Variants in STK32B observed in about 807,000 individuals in gnomAD.
STK32B encodes serine/threonine-protein kinase 32B.
Under a neutral mutation model 52.6 loss-of-function variants are expected in STK32B, and 43 were observed. The ratio of observed to expected loss-of-function variants is 0.82; its 90% CI spans 0.64 to 1.05. The LOEUF (loss-of-function observed/expected upper bound fraction) is 1.05. Ranked by LOEUF, STK32B falls within the 50% of genes least tolerant of loss-of-function variation. The probability of loss-of-function intolerance (pLI) is 0.00; values close to 1 mark genes in which losing one functional copy is unlikely to be tolerated. For synonymous variants in STK32B, 238 were observed against 204.3 expected, an observed-to-expected ratio of 1.17 and a Z score of -1.41; for missense variants, 621 against 534.6, an observed-to-expected ratio of 1.16 and a Z score of -1.59.
At chr4:5,319,211 C>T (rs915301040) in intron 3 of STK32B, among the ~76,000 whole-genome samples, 23 of 152,176 alleles carry the variant, frequency 1.5e-4, no homozygotes, top group Non-Finnish European at 2.4e-4. Flanking sequence ...GTAAACACCA[C>T]AATAATTCCT....
chr4:5,386,638 G>C lies in STK32B; in HGVS notation c.435-11569G>C, dbSNP rs1223256481. Reference sequence around the variant, plus strand: ...CAATGACCCAGATAAAATCCACACTGTCAAGTTTACAAGAGTCAGGAAAGC... The same window carrying C: ...CAATGACCCAGATAAAATCCACACTCTCAAGTTTACAAGAGTCAGGAAAGC... On this transcript the variant is annotated intron_variant, in intron 4 of 11. Coordinates refer to ENST00000282908, the MANE Select transcript of STK32B (RefSeq NM_018401.3). This position sits in a 1 kb window ranked among gnomAD's most constrained non-coding sequence, Gnocchi z 4.5. Among the ~76,000 whole-genome samples the C allele has an allele frequency of 6.6e-6, 1 of 152,178 alleles. No individual in the cohort carries two copies. Among genetic ancestry groups the C allele is most frequent in the Non-Finnish European group, 1.5e-5 (1 of 68,036 alleles).
intron 6 of STK32B, among the ~76,000 whole-genome samples, chr4:5,419,337 G>C (rs1712431748): frequency 6.6e-6 from 1 of 152,088 alleles, no homozygotes; most frequent in South Asian, 2.1e-4. Flanking sequence ...TCCTTTGTCT[G>C]TAGGGTCTCT....
intron 6 of STK32B, among the ~76,000 whole-genome samples, 191 bp downstream of exon 6, chr4:5,417,125 AC>A (rs1712232957): frequency 6.6e-6 from 1 of 152,192 alleles, no homozygotes; most frequent in South Asian, 2.1e-4. Context: ...CCTCTGCTAG[AC>A]AACCCCTCTC....
chr4:5,341,815 G>GCAGGAGC (rs1342964528), intron 4 of STK32B, among the ~76,000 whole-genome samples: 1 of 152,126 alleles, frequency 6.6e-6, no homozygotes, highest in Admixed American at 6.5e-5. Flanking sequence ...CATGGCCAGA[G>GCAGGAGC]CAGGAGCAAA....
At chr4:5,103,137 G>A (rs1713917630) in intron 1 of STK32B, among the ~76,000 whole-genome samples, 1 of 151,296 alleles carries the variant, frequency 6.6e-6, no homozygotes, top group Non-Finnish European at 1.5e-5. Context: ...CATGGATTTG[G>A]GGATCCATGA....
Position 5,110,281 on chromosome 4 carries a change from A to ACCCCC in STK32B, c.53-29624_53-29623insCCCCC, listed in dbSNP as rs1560156133. On this transcript the variant is annotated intron_variant, in intron 1 of 11. Coordinates refer to ENST00000282908, the MANE Select transcript of STK32B (RefSeq NM_018401.3). ...AAAATTCATATGGAACCAAAAAAAAAAAAAAAAAAGCGCAAATGACCAAAG... is the reference window on the plus strand; with the variant it reads ...AAAATTCATATGGAACCAAAAAAAAACCCCCAAAAAAAAAGCGCAAATGACCAAAG... Among the ~76,000 whole-genome samples the ACCCCC allele has an allele frequency of 6.4e-3, 966 of 151,178 alleles. 7 individuals carry two copies. The highest frequency in any genetic ancestry group is 0.021 in the African/African-American group (880 of 41,280).
chr4:5,282,856 A>G (rs1389497600), intron 3 of STK32B, among the ~76,000 whole-genome samples: 1 of 152,158 alleles, frequency 6.6e-6, no homozygotes, highest in East Asian at 1.9e-4. Context: ...TTTAGAACTT[A>G]TGAGTTGTTT....
intron 4 of STK32B, among the ~76,000 whole-genome samples, chr4:5,336,801 A>C (rs546130219): frequency 2.3e-4 from 35 of 152,190 alleles, no homozygotes; most frequent in Non-Finnish European, 4.7e-4. Flanking sequence ...ATGAAAGAAC[A>C]ATCTCCCAGA....
In STK32B at chr4:5,433,250, G is replaced by A. The variant is rs139127866; in HGVS notation, c.563-13423G>A. Among the ~76,000 whole-genome samples the A allele has an allele frequency of 1.4e-4, 21 of 152,264 alleles. No individual in the cohort carries two copies. In the East Asian group the frequency reaches 3.5e-3, roughly 25 times the overall value. ...CAATCAAATGGTCAAATACAAAGGC[G>A]GAAAGAGTCCTAGAGTCGAAGTTGA... On this transcript the variant is annotated intron_variant, in intron 6 of 11. Coordinates refer to ENST00000282908, the MANE Select transcript of STK32B (RefSeq NM_018401.3).
At chr4:5,240,715 C>G (rs1204826675) in intron 3 of STK32B, among the ~76,000 whole-genome samples, 1 of 152,184 alleles carries the variant, frequency 6.6e-6, no homozygotes, top group Non-Finnish European at 1.5e-5. Context: ...CCACCTCAGC[C>G]TCCCAAAATG....
intron 2 of STK32B, chr4:5,140,301 GT>G (rs1157225916): frequency 3.0e-6 from 4 of 1,317,364 alleles, no homozygotes; most frequent in Non-Finnish European, 4.0e-6. Context: ...GACGTTTGTT[GT>G]TTTGGTAAGT....
At chr4:5,101,167 C>G (rs1023844195) in intron 1 of STK32B, among the ~76,000 whole-genome samples, 1 of 152,206 alleles carries the variant, frequency 6.6e-6, no homozygotes, top group Admixed American at 6.5e-5. Flanking sequence ...CCTCAGCCTC[C>G]CAAGTTGCTG....
chr4:5,112,575 C>A (rs993438366), intron 1 of STK32B, among the ~76,000 whole-genome samples: 5 of 152,146 alleles, frequency 3.3e-5, no homozygotes, highest in Non-Finnish European at 5.9e-5. Context: ...GAGGGCCACC[C>A]ACATAGGGAG....
intron 1 of STK32B, among the ~76,000 whole-genome samples, chr4:5,055,752 C>A (rs1214951729): frequency 1.3e-5 from 2 of 152,124 alleles, no homozygotes; most frequent in African/African-American, 4.8e-5. Flanking sequence ...CCGAGGGCAT[C>A]TCCCCCCCAG....
chr4:5,213,980 G>C (rs1454013980), intron 3 of STK32B, among the ~76,000 whole-genome samples: 1 of 152,200 alleles, frequency 6.6e-6, no homozygotes, highest in Non-Finnish European at 1.5e-5. Flanking sequence ...ACAGTTTGAA[G>C]CTTGGCTTTT....
chr4:5,332,555 TTACA>T (rs1388998232), intron 4 of STK32B, among the ~76,000 whole-genome samples: 1 of 152,182 alleles, frequency 6.6e-6, no homozygotes, highest in East Asian at 1.9e-4. Context: ...TGCAGGTTAG[TTACA>T]TATGTATACA....
Position 5,460,320 on chromosome 4 carries a change from C to T in STK32B, c.909+92C>T. On this transcript the variant is annotated intron_variant, in intron 9 of 11. Coordinates refer to ENST00000282908, the MANE Select transcript of STK32B (RefSeq NM_018401.3). This position sits in a 1 kb window ranked among gnomAD's most constrained non-coding sequence, Gnocchi z 4.8. ...GACTTTGGCAGCTGGCTAGTGAGCC[C>T]TCTGCTGGCCACTTCCACCTGAGCA... 6.6e-7 allele frequency: 1 copy of T among 1,509,502 alleles called. No homozygotes were observed. The highest frequency in any genetic ancestry group is 8.9e-7 in the Non-Finnish European group (1 of 1,125,668). 93.5% of individuals were successfully genotyped at this position (1,509,502 alleles called of 1,614,324 possible).
At chr4:5,176,853 C>A (rs1719943921) in intron 3 of STK32B, among the ~76,000 whole-genome samples, 1 of 152,118 alleles carries the variant, frequency 6.6e-6, no homozygotes, top group African/African-American at 2.4e-5. Flanking sequence ...AAATTATCTG[C>A]AAATGTCAGC....
At chr4:5,086,456 T>C (rs1712735844) in intron 1 of STK32B, among the ~76,000 whole-genome samples, 1 of 151,700 alleles carries the variant, frequency 6.6e-6, no homozygotes, top group African/African-American at 2.4e-5. Context: ...ATGAACAAAG[T>C]CTTAGAGACA....
Sources: allele counts gnomAD v4.1 joint callset (sites outside exome capture counted in the v4.1 genomes callset), GRCh38; gene constraint gnomAD v4.1.1; non-coding constraint Gnocchi (gnomAD v3.1); transcripts MANE v1.5; gene names NCBI Gene and HGNC (gene_info 2026-07-23, HGNC 2026-07-21).